Variants in CNTFR observed in about 807,000 individuals in gnomAD.
CNTFR encodes ciliary neurotrophic factor receptor.
In CNTFR, 12 loss-of-function variants were observed where a neutral mutation model predicts 40.4. The ratio of observed to expected loss-of-function variants is 0.30; its 90% CI spans 0.19 to 0.48. The LOEUF is 0.48. Ranked by LOEUF, CNTFR falls within the 20% of genes least tolerant of loss-of-function variation. The probability of loss-of-function intolerance (pLI) is 0.99; values close to 1 mark genes in which losing one functional copy is unlikely to be tolerated. For missense variants in CNTFR, 414 were observed against 506.8 expected, an observed-to-expected ratio of 0.82 and a Z score of 1.76; for synonymous variants, 202 against 209.6, an observed-to-expected ratio of 0.96 and a Z score of 0.31.
At chr9:34,581,800 T>A (rs1162332982) in intron 1 of CNTFR, among the ~76,000 whole-genome samples, 2 of 152,218 alleles carry the variant, frequency 1.3e-5, no homozygotes, top group Non-Finnish European at 2.9e-5. Context: ...GAGTCTAGAT[T>A]TGAGTCCGTA....
rs764182539 is a variant in CNTFR, at chr9:34,557,519, C to A, written c.604+7G>T. On this transcript the variant is annotated splice_region_variant and intron_variant, in intron 6 of 9. Coordinates refer to ENST00000378980, the MANE Select transcript of CNTFR (RefSeq NM_147164.3). This position sits in a 1 kb window ranked among gnomAD's most constrained non-coding sequence, Gnocchi z 4.2. ...AGGCAGCAGGTCCCCCCAACCGCCA[C>A]ACGTACCAATGGTGAACTCGTCAAA... is the stretch of plus-strand genomic sequence containing the variant. 8 of 1,611,030 alleles carry A rather than the reference C, an allele frequency of 5.0e-6. No individual in the cohort carries two copies. The East Asian group carries it at 1.8e-4, about 36-fold the overall frequency.
At chr9:34,570,709 C>A (rs1676840036) in intron 2 of CNTFR, among the ~76,000 whole-genome samples, 1 of 152,202 alleles carries the variant, frequency 6.6e-6, no homozygotes, top group Admixed American at 6.5e-5. Context: ...CAGCCAGACA[C>A]ACAGCCAGAA....
chr9:34,557,565 G>T lies in CNTFR; in HGVS notation c.565C>A (p.His189Asn). 1 of 1,614,180 alleles carries T rather than the reference G, an allele frequency of 6.2e-7. No individual in the cohort carries two copies. The highest frequency in any genetic ancestry group is 1.1e-5 in the South Asian group (1 of 91,080). Residue 189 changes from histidine (H) to asparagine (N), a missense_variant, in exon 6 of 10, where the codon CAC becomes AAC. Physicochemically the swap from His to Asn is moderately conservative, Grantham distance 68. This residue lies in a region of CNTFR where 250 missense variants were observed against 269.5 expected (regional missense o/e 0.93). Coordinates refer to ENST00000378980, the MANE Select transcript of CNTFR (RefSeq NM_147164.3). This position sits in a 1 kb window ranked among gnomAD's most constrained non-coding sequence, Gnocchi z 4.2. The part of the protein sequence containing the change: ...VSISVSNALG[H>N]NATAITFDEF... ...TCAAAGGTGATAGCTGTGGCATTGT[G>T]GCCCAGGGCATTGCTGACACTTATG... is the stretch of plus-strand genomic sequence containing the variant.
rs551480830 is a variant in CNTFR at position 34,551,949 on chromosome 9, G to A, written c.*122C>T. The A allele has an allele frequency of 1.4e-5, 10 of 737,996 alleles. No individual in the cohort carries two copies. The Admixed American group carries it at 1.4e-4, about 10-fold the overall frequency. The allele number at this position is 737,996 out of a possible 1,614,324, so 45.7% of individuals were successfully genotyped here. On this transcript the variant is annotated 3_prime_UTR_variant, in exon 10 of 10. Coordinates refer to ENST00000378980, the MANE Select transcript of CNTFR (RefSeq NM_147164.3). Reference sequence around the variant, plus strand: ...GCCCGCCGGGGTCTCCACAAATTGTGTCTGAAGAGAATGCAAAAGGTCCTC... The same window carrying A: ...GCCCGCCGGGGTCTCCACAAATTGTATCTGAAGAGAATGCAAAAGGTCCTC...
chr9:34,552,866 C>T lies in CNTFR; in HGVS notation c.769-12G>A, dbSNP rs370200098. The stretch of plus-strand genomic sequence containing the variant: ...TCGGACAGCTCCACCTGCAGCCAGA[C>T]CATGGGGTGGGGGTAAGGACACACC... On this transcript the variant is annotated splice_polypyrimidine_tract_variant and intron_variant, in intron 7 of 9. Coordinates refer to ENST00000378980, the MANE Select transcript of CNTFR (RefSeq NM_147164.3). The surrounding 1 kb of genome is among the most constrained non-coding windows in gnomAD (Gnocchi z 5.1). 1.1e-5 allele frequency: 18 copies of T among 1,607,784 alleles called. No homozygotes were observed. Among genetic ancestry groups the T allele is most frequent in the Non-Finnish European group, 1.4e-5 (17 of 1,179,372 alleles).
rs1374001329 is a variant in CNTFR, at chr9:34,552,615, G to T, written c.949+59C>A. 3.9e-6 allele frequency: 6 copies of T among 1,557,314 alleles called. No homozygotes were observed. The highest frequency in any genetic ancestry group is 3.7e-4 in the Middle Eastern group (2 of 5,354). ...GCAGCAGGGTAGAACCAGGCCACAG[G>T]TTCTACCACAGGCCTCCAGGACAGC... On this transcript the variant is annotated intron_variant, in intron 8 of 9. Coordinates refer to ENST00000378980, the MANE Select transcript of CNTFR (RefSeq NM_147164.3). This position sits in a 1 kb window ranked among gnomAD's most constrained non-coding sequence, Gnocchi z 5.1.
At chr9:34,585,621 C>A (rs1266249004) in intron 1 of CNTFR, among the ~76,000 whole-genome samples, 3 of 152,202 alleles carry the variant, frequency 2.0e-5, no homozygotes, top group African/African-American at 7.2e-5. Flanking sequence ...TTGCCCTCTG[C>A]AGAGGTAAAA....
rs1827675517 is a variant in CNTFR at position 34,589,206 on chromosome 9, C to G, written c.-112+349G>C. Among the ~76,000 whole-genome samples the G allele has an allele frequency of 6.6e-6, 1 of 152,056 alleles. No individual in the cohort carries two copies. The highest frequency in any genetic ancestry group is 2.1e-4 in the South Asian group (1 of 4,820). On this transcript the variant is annotated intron_variant, in intron 1 of 9. Transcript: ENST00000378980. This position sits in a 1 kb window ranked among gnomAD's most constrained non-coding sequence, Gnocchi z 4.4. Reference sequence around the variant, plus strand: ...ACCTTTGGGCGCGCAAAGGCCACTACGAACCTCCCCAAACCCAGGAATTTT... The same window carrying G: ...ACCTTTGGGCGCGCAAAGGCCACTAGGAACCTCCCCAAACCCAGGAATTTT...
At position 34,552,451 on chromosome 9, in the gene CNTFR, G is replaced by T; in HGVS notation, c.950-122C>A. ...CTGGTACTGCCTCCCCCATCAGGCA[G>T]ATCCTGTTTCCCAAGGCTCACAGAT... is the stretch of plus-strand genomic sequence containing the variant. On this transcript the variant is annotated intron_variant, in intron 8 of 9. Coordinates refer to ENST00000378980, the MANE Select transcript of CNTFR (RefSeq NM_147164.3). The surrounding 1 kb of genome is among the most constrained non-coding windows in gnomAD (Gnocchi z 5.1). 8.6e-7 allele frequency: 1 copy of T among 1,157,538 alleles called. No individual in the cohort carries two copies. The highest frequency in any genetic ancestry group is 2.6e-5 in the East Asian group (1 of 38,872). The allele number at this position is 1,157,538 out of a possible 1,614,324, so 71.7% of individuals were successfully genotyped here. A position where few individuals can be genotyped will look rare whatever the true frequency, so the allele number is the denominator to read the frequency against.
intron 2 of CNTFR, chr9:34,580,214 A>T (rs1827217278): frequency 6.6e-6 from 1 of 152,032 alleles, no homozygotes; most frequent in African/African-American, 2.4e-5. Context: ...ACCCCCCATA[A>T]ATATTATCTT....
At position 34,552,278 on chromosome 9, in the gene CNTFR, A is replaced by T. The variant is rs763748234; in HGVS notation, c.1001T>A (p.Ile334Asn). 20 of 1,547,758 alleles carry T rather than the reference A, an allele frequency of 1.3e-5. No homozygotes were observed. In the South Asian group the frequency reaches 2.0e-4, roughly 16 times the overall value. ...SSLAPPPTTK[I>N]CDPGELGSGG... ...GCTGCCCAGCTCCCCAGGGTCACAGATCTTCGTGGTAGGTGGGGGTGCCAG... is the reference window on the plus strand; with the variant it reads ...GCTGCCCAGCTCCCCAGGGTCACAGTTCTTCGTGGTAGGTGGGGGTGCCAG... Residue 334 changes from isoleucine (I) to asparagine (N), a missense_variant, in exon 9 of 10, where the codon ATC becomes AAC. Transcript: ENST00000378980. This position sits in a 1 kb window ranked among gnomAD's most constrained non-coding sequence, Gnocchi z 5.1.
chr9:34,560,559 T>A (rs1392403502), intron 4 of CNTFR, among the ~76,000 whole-genome samples: 1 of 152,238 alleles, frequency 6.6e-6, no homozygotes, highest in Non-Finnish European at 1.5e-5. Context: ...ATAGTGAGGC[T>A]GAATGTATTT....
At chr9:34,587,705 G>T (rs72737110) in intron 1 of CNTFR, among the ~76,000 whole-genome samples, 6,823 of 152,180 alleles carry the variant, frequency 0.045, 238 homozygotes, top group South Asian at 0.068. Flanking sequence ...TGACTAACTC[G>T]GAGTCCCAGA....
chr9:34,571,631 C>G (rs894494616), intron 2 of CNTFR, among the ~76,000 whole-genome samples: 1 of 152,044 alleles, frequency 6.6e-6, no homozygotes, highest in Non-Finnish European at 1.5e-5. Flanking sequence ...TCATCAAAGT[C>G]GCCTCCATCA....
At chr9:34,578,498 G>A (rs1255098957) in intron 2 of CNTFR, among the ~76,000 whole-genome samples, 1 of 152,182 alleles carries the variant, frequency 6.6e-6, no homozygotes, top group Non-Finnish European at 1.5e-5. Flanking sequence ...GCCAACTCGG[G>A]CAGACCACTG....
At chr9:34,587,770 G>C (rs940827257) in intron 1 of CNTFR, among the ~76,000 whole-genome samples, 2 of 152,128 alleles carry the variant, frequency 1.3e-5, no homozygotes, top group African/African-American at 4.8e-5. Flanking sequence ...CCCAGTGTGA[G>C]CCCTAGGACC....
intron 2 of CNTFR, among the ~76,000 whole-genome samples, chr9:34,577,169 A>G (rs1827016246): frequency 1.3e-5 from 2 of 152,230 alleles, no homozygotes; most frequent in Non-Finnish European, 2.9e-5. Context: ...GTCGCTGTCC[A>G]GTCAGAATGG....
intron 1 of CNTFR, among the ~76,000 whole-genome samples, chr9:34,586,701 T>C (rs1032891959): frequency 1.3e-5 from 2 of 152,100 alleles, no homozygotes; most frequent in African/African-American, 4.8e-5. Flanking sequence ...AACAATCCAC[T>C]CAGATCTTCC....
At chr9:34,559,833 C>T (rs1034264407) in intron 4 of CNTFR, among the ~76,000 whole-genome samples, 8 of 152,178 alleles carry the variant, frequency 5.3e-5, no homozygotes, top group Non-Finnish European at 1.0e-4. Context: ...CAGAGCGGGC[C>T]ACGGCACTGT....
Sources: gnomAD v4.1 joint callset for allele counts (sites outside exome capture counted in the v4.1 genomes callset) on GRCh38, gnomAD v4.1.1 for gene constraint, gnomAD v4.1.1 regional missense constraint, Gnocchi (gnomAD v3.1) non-coding constraint, MANE v1.5 for transcripts, NCBI Gene and HGNC (gene_info 2026-07-23, HGNC 2026-07-21) for gene names.